Variants in UBE2E2 observed in about 807,000 individuals in gnomAD.
UBE2E2 encodes ubiquitin-conjugating enzyme E2 E2.
Under a neutral mutation model 24.7 loss-of-function variants are expected in UBE2E2, and 6 were observed. That is an observed-to-expected ratio of 0.24 (90% CI 0.13 to 0.48). The LOEUF is 0.48. Among genes scored for constraint, UBE2E2 ranks in the 20% least tolerant of loss-of-function variants. UBE2E2 has a pLI of 0.99. For synonymous variants in UBE2E2, 104 were observed against 83.6 expected (o/e 1.24, Z -1.33); for missense variants, 169 against 245.0 (o/e 0.69, Z 2.07).
At chr3:23,279,909 G>T (rs1698450822) in intron 3 of UBE2E2, among the ~76,000 whole-genome samples, 1 of 152,144 alleles carries the variant, frequency 6.6e-6, no homozygotes, top group East Asian at 1.9e-4. Flanking sequence ...TTCTCTGAGG[G>T]TCTCATCTTA....
At chr3:23,385,993 G>C (rs201657432) in intron 3 of UBE2E2, among the ~76,000 whole-genome samples, 1 of 152,328 alleles carries the variant, frequency 6.6e-6, no homozygotes, top group East Asian at 1.9e-4. Flanking sequence ...CAACTTATTT[G>C]ATGCAAAGCT....
At chr3:23,372,558 A>T (rs34262865) in intron 3 of UBE2E2, among the ~76,000 whole-genome samples, 14,381 of 152,126 alleles carry the variant, frequency 0.095, 1,214 homozygotes, top group Admixed American at 0.26. Context: ...CCTTACATGG[A>T]TTCTCCATTT....
chr3:23,376,049 G>C (rs924739268), intron 3 of UBE2E2, among the ~76,000 whole-genome samples: 2 of 152,126 alleles, frequency 1.3e-5, no homozygotes, highest in Non-Finnish European at 2.9e-5. Context: ...CAATTTTAAA[G>C]TATTCTAATT....
chr3:23,402,072 G>A (rs1374359427), intron 3 of UBE2E2, among the ~76,000 whole-genome samples: 1 of 151,798 alleles, frequency 6.6e-6, no homozygotes, highest in African/African-American at 2.4e-5. Flanking sequence ...GGCCAGGCTG[G>A]TATAGAACTC....
chr3:23,369,609 TGTATATGCTCTTA>T (rs1267865016), intron 3 of UBE2E2, among the ~76,000 whole-genome samples: 1 of 152,194 alleles, frequency 6.6e-6, no homozygotes, highest in Non-Finnish European at 1.5e-5. Flanking sequence ...GCATACTCTT[TGTATATGCTCTTA>T]GGAATATGGG....
Position 23,563,461 on chromosome 3 carries a change from A to C in UBE2E2, c.509-26273A>C, listed in dbSNP as rs1052219356. On this transcript the variant is annotated intron_variant, in intron 5 of 5. Coordinates refer to ENST00000396703, the MANE Select transcript of UBE2E2 (RefSeq NM_152653.4). ...AGTTTGTTATAATTTCTGTACTTTT[A>C]CATTTGCTGAGGAGTGTTTTACTTC... Among the ~76,000 whole-genome samples, 3 of 152,106 alleles carry C rather than the reference A, an allele frequency of 2.0e-5. No homozygotes were observed. In the East Asian group the frequency reaches 5.8e-4, roughly 29 times the overall value.
chr3:23,301,053 C>T (rs933487042), intron 3 of UBE2E2, among the ~76,000 whole-genome samples: 2 of 152,198 alleles, frequency 1.3e-5, no homozygotes, highest in African/African-American at 2.4e-5. Flanking sequence ...ATCACTGATA[C>T]CCTTTCTTCC....
intron 3 of UBE2E2, among the ~76,000 whole-genome samples, chr3:23,233,006 A>G (rs1697011963): frequency 1.3e-5 from 2 of 152,182 alleles, no homozygotes; most frequent in Non-Finnish European, 2.9e-5. Context: ...AAGCATGAAC[A>G]TTTTGGTGTC....
intron 3 of UBE2E2, among the ~76,000 whole-genome samples, chr3:23,455,567 C>T (rs901110734): frequency 4.0e-5 from 6 of 151,866 alleles, no homozygotes; most frequent in African/African-American, 9.7e-5. Flanking sequence ...AAAAATTAGC[C>T]GGGCTAATTT....
chr3:23,213,080 A>C (rs1696374788), intron 2 of UBE2E2, among the ~76,000 whole-genome samples: 1 of 152,130 alleles, frequency 6.6e-6, no homozygotes, highest in South Asian at 2.1e-4. Context: ...TGAGGAATGT[A>C]GTCTGTAAGG....
At chr3:23,499,535 C>G in intron 3 of UBE2E2, 73 bp from the exon 4 acceptor site, 4 of 1,537,854 alleles carry the variant, frequency 2.6e-6, no homozygotes, top group Non-Finnish European at 3.5e-6. Flanking sequence ...AATTGGTTAT[C>G]ATAAATAGAT....
chr3:23,367,962 TGTG>T (rs1696305421), intron 3 of UBE2E2, among the ~76,000 whole-genome samples: 1 of 152,268 alleles, frequency 6.6e-6, no homozygotes, highest in Admixed American at 6.5e-5. Context: ...TGATTTTTGT[TGTG>T]GTGTGAGAGC....
At chr3:23,515,267 A>G (rs967829025) in intron 4 of UBE2E2, among the ~76,000 whole-genome samples, 11 of 152,134 alleles carry the variant, frequency 7.2e-5, no homozygotes, top group Admixed American at 2.6e-4. Context: ...AATTTTTTTA[A>G]TAAGTTGAAA....
chr3:23,572,330 T>C (rs80079474), intron 5 of UBE2E2, among the ~76,000 whole-genome samples: 3 of 152,324 alleles, frequency 2.0e-5, no homozygotes, highest in Non-Finnish European at 4.4e-5. Flanking sequence ...CATTTTAGAC[T>C]CAGAGGAATT....
intron 5 of UBE2E2, among the ~76,000 whole-genome samples, chr3:23,568,569 T>C (rs1484066299): frequency 6.7e-6 from 1 of 149,164 alleles, no homozygotes; most frequent in African/African-American, 2.4e-5. Context: ...CAAACGCTTG[T>C]ATATCTTATA....
At chr3:23,548,774 T>C (rs1695577888) in intron 5 of UBE2E2, among the ~76,000 whole-genome samples, 1 of 149,406 alleles carries the variant, frequency 6.7e-6, no homozygotes, top group Admixed American at 6.6e-5. Flanking sequence ...CCAAGCCATA[T>C]TTTTTATTTT....
chr3:23,384,904 G>T (rs1443361569), intron 3 of UBE2E2, among the ~76,000 whole-genome samples: 1 of 151,956 alleles, frequency 6.6e-6, no homozygotes. Context: ...TTAGATTTTT[G>T]TGTCTTGACA....
At chr3:23,483,441 TA>T (rs1281150421) in intron 3 of UBE2E2, among the ~76,000 whole-genome samples, 2 of 152,234 alleles carry the variant, frequency 1.3e-5, no homozygotes, top group African/African-American at 4.8e-5. Flanking sequence ...CTTCACACGG[TA>T]AAAAGTGTTA....
intron 3 of UBE2E2, among the ~76,000 whole-genome samples, chr3:23,452,426 C>T (rs1281450048): frequency 6.6e-6 from 1 of 151,970 alleles, no homozygotes; most frequent in African/African-American, 2.4e-5. Context: ...GAATTTGGAA[C>T]ATGGTGTTTT....
Sources: allele counts gnomAD v4.1 joint callset (sites outside exome capture counted in the v4.1 genomes callset), GRCh38; gene constraint gnomAD v4.1.1; transcripts MANE v1.5; gene names NCBI Gene and HGNC (gene_info 2026-07-23, HGNC 2026-07-21).